SLC39A11: variants seen among roughly 807,000 people sequenced by gnomAD.
The protein encoded by SLC39A11 is solute carrier family 39 member 11, also known as zinc transporter ZIP11.
In SLC39A11, 33 loss-of-function variants were observed where a neutral mutation model predicts 36.1. That is an observed-to-expected ratio of 0.91 (90% CI 0.69 to 1.22). The LOEUF is 1.22. Among genes scored for constraint, SLC39A11 ranks in the 50% most tolerant of loss-of-function variants. The pLI, the probability that SLC39A11 is intolerant of heterozygous loss-of-function variation, is 0.00. For synonymous variants in SLC39A11, 166 were observed against 170.3 expected, an observed-to-expected ratio of 0.97 and a Z score of 0.20; for missense variants, 432 against 430.3, an observed-to-expected ratio of 1.00 and a Z score of -0.03.
chr17:72,713,553 C>T (rs921608953), intron 7 of SLC39A11, among the ~76,000 whole-genome samples: 7 of 152,114 alleles, frequency 4.6e-5, no homozygotes, highest in African/African-American at 1.7e-4. Flanking sequence ...AGTCATCAAA[C>T]TCTTCTTCTT....
At chr17:72,832,384 A>G (rs1233110381) in intron 6 of SLC39A11, among the ~76,000 whole-genome samples, 6 of 152,214 alleles carry the variant, frequency 3.9e-5, no homozygotes, top group Admixed American at 3.9e-4. Context: ...TGTGGAGAAC[A>G]ACCTATTTTT....
chr17:73,032,197 A>G (rs2058759017), intron 3 of SLC39A11, among the ~76,000 whole-genome samples: 1 of 150,422 alleles, frequency 6.6e-6, no homozygotes, highest in Non-Finnish European at 1.5e-5. Flanking sequence ...TGCTGTTGCG[A>G]ATTCCTATTC....
chr17:73,022,013 G>A (rs1271037414), intron 4 of SLC39A11, among the ~76,000 whole-genome samples: 2 of 152,246 alleles, frequency 1.3e-5, no homozygotes, highest in African/African-American at 4.8e-5. Flanking sequence ...GACAACAGAG[G>A]TGGGTTTCTG....
At chr17:72,899,762 G>A (rs2146892673) in intron 5 of SLC39A11, among the ~76,000 whole-genome samples, 1 of 152,242 alleles carries the variant, frequency 6.6e-6, no homozygotes, top group Non-Finnish European at 1.5e-5. Context: ...ACGAGTTTGA[G>A]GACAGCCTGG....
At chr17:72,941,167 G>A (rs570840551) in intron 5 of SLC39A11, among the ~76,000 whole-genome samples, 7 of 152,274 alleles carry the variant, frequency 4.6e-5, no homozygotes, top group South Asian at 2.1e-4. Flanking sequence ...CAGCTACTCC[G>A]GGGGCTGAGG....
Position 72,937,082 on chromosome 17 carries a change from T to C in SLC39A11, c.430+10670A>G, listed in dbSNP as rs183074920. On this transcript the variant is annotated intron_variant, in intron 5 of 9. Transcript: ENST00000255559. ...TGGGCTCTGAGGGCTGCCTTTGCCA[T>C]GGTCAGCTGATATCCTTCTCTCTTT... Among the ~76,000 whole-genome samples the C allele has an allele frequency of 6.6e-5, 10 of 152,324 alleles. No individual in the cohort carries two copies. The East Asian group carries it at 1.2e-3, about 18-fold the overall frequency.
chr17:72,911,431 C>A (rs2147113464), intron 5 of SLC39A11, among the ~76,000 whole-genome samples: 1 of 151,492 alleles, frequency 6.6e-6, no homozygotes, highest in South Asian at 2.1e-4. Context: ...AAAAAAAAAA[C>A]TTTACACAAA....
chr17:72,656,760 C>T (rs776388258), intron 7 of SLC39A11, among the ~76,000 whole-genome samples: 14 of 152,086 alleles, frequency 9.2e-5, no homozygotes, highest in Admixed American at 3.3e-4. Flanking sequence ...CAGAGAACCG[C>T]GAGGAAGGGG....
intron 6 of SLC39A11, among the ~76,000 whole-genome samples, chr17:72,762,226 G>A (rs563331994): frequency 2.0e-5 from 3 of 152,326 alleles, no homozygotes; most frequent in South Asian, 2.1e-4. Flanking sequence ...GTTACAGGTC[G>A]TAAAGGCCTT....
At chr17:73,074,380 T>A (rs12453520) in intron 3 of SLC39A11, among the ~76,000 whole-genome samples, 1 of 146,920 alleles carries the variant, frequency 6.8e-6, no homozygotes, top group Non-Finnish European at 1.5e-5. Flanking sequence ...TCACTGCAAC[T>A]TCCGCCTCCT....
At chr17:72,994,908 C>T (rs2089411241) in intron 4 of SLC39A11, among the ~76,000 whole-genome samples, 1 of 152,114 alleles carries the variant, frequency 6.6e-6, no homozygotes, top group Non-Finnish European at 1.5e-5. Flanking sequence ...GAACATATTA[C>T]CCGACAAAGC....
intron 3 of SLC39A11, among the ~76,000 whole-genome samples, chr17:73,042,683 C>G (rs1418798400): frequency 6.6e-6 from 1 of 152,148 alleles, no homozygotes; most frequent in African/African-American, 2.4e-5. Context: ...CACCTGTAAT[C>G]TCAGCTACTT....
At chr17:72,650,259 A>G (rs1242815349) in intron 7 of SLC39A11, among the ~76,000 whole-genome samples, 1 of 152,146 alleles carries the variant, frequency 6.6e-6, no homozygotes, top group Non-Finnish European at 1.5e-5. Context: ...GTGCTGATAG[A>G]TGCCTGTCTT....
At chr17:72,709,809 A>T (rs1332033886) in intron 7 of SLC39A11, among the ~76,000 whole-genome samples, 1 of 152,114 alleles carries the variant, frequency 6.6e-6, no homozygotes, top group Non-Finnish European at 1.5e-5. Flanking sequence ...TGCTTTTCCT[A>T]TCTGGATGGT....
intron 4 of SLC39A11, among the ~76,000 whole-genome samples, chr17:72,985,108 A>G (rs9897329): frequency 0.52 from 78,797 of 152,068 alleles, 21,371 homozygotes; most frequent in Middle Eastern, 0.69. Context: ...CCTCCCTAGG[A>G]ATGTGCACAC....
At chr17:72,780,724 T>C (rs2076287757) in intron 6 of SLC39A11, among the ~76,000 whole-genome samples, 1 of 152,164 alleles carries the variant, frequency 6.6e-6, no homozygotes, top group African/African-American at 2.4e-5. Flanking sequence ...TGGTGGCTCA[T>C]GCCTGTTAAT....
chr17:72,937,780 GC>G (rs2084864834), intron 5 of SLC39A11, among the ~76,000 whole-genome samples: 1 of 152,186 alleles, frequency 6.6e-6, no homozygotes, highest in South Asian at 2.1e-4. Flanking sequence ...ATTGACTTGA[GC>G]AAACCTCACC....
intron 5 of SLC39A11, among the ~76,000 whole-genome samples, chr17:72,915,282 A>C (rs1412243606): frequency 6.6e-6 from 1 of 151,904 alleles, no homozygotes; most frequent in Non-Finnish European, 1.5e-5. Flanking sequence ...CCCACCATCC[A>C]CCCAGGCCCA....
intron 4 of SLC39A11, among the ~76,000 whole-genome samples, chr17:73,020,778 G>A (rs1178466927): frequency 3.5e-5 from 5 of 141,866 alleles, no homozygotes; most frequent in African/African-American, 1.3e-4. Flanking sequence ...CGCCTCCTGG[G>A]TTCAAGCAAT....
Sources: gnomAD v4.1 joint callset for allele counts (sites outside exome capture counted in the v4.1 genomes callset) on GRCh38, gnomAD v4.1.1 for gene constraint, MANE v1.5 for transcripts, NCBI Gene and HGNC (gene_info 2026-07-23, HGNC 2026-07-21) for gene names.